SEMA4F: variants seen among roughly 807,000 people sequenced by gnomAD.
SEMA4F encodes the protein semaphorin-4F.
A neutral mutation model predicts 78.4 loss-of-function variants in SEMA4F; 51 were observed. The observed-to-expected ratio is 0.65, with a 90% CI of 0.52 to 0.82. SEMA4F has a LOEUF of 0.82. Among genes scored for constraint, SEMA4F ranks in the 40% least tolerant of loss-of-function variants. The probability of loss-of-function intolerance (pLI) is 0.00; values close to 1 mark genes in which losing one functional copy is unlikely to be tolerated. For missense variants in SEMA4F, 938 were observed against 1,014.4 expected, an observed-to-expected ratio of 0.92 and a Z score of 1.02; for synonymous variants, 418 against 408.7, an observed-to-expected ratio of 1.02 and a Z score of -0.27.
chr2:74,674,050 T>C (rs529559810), intron 7 of SEMA4F, among the ~76,000 whole-genome samples: 1 of 152,242 alleles, frequency 6.6e-6, no homozygotes, highest in Non-Finnish European at 1.5e-5. Context: ...TAGAGGTTAC[T>C]GACTAGTGTA....
the SEMA4F span, among the ~76,000 whole-genome samples, chr2:74,700,666 A>T: frequency 6.6e-6 from 1 of 152,220 alleles, no homozygotes; most frequent in East Asian, 1.9e-4. Context: ...AAAAAAACTG[A>T]GGCACAGAGA....
the SEMA4F span, among the ~76,000 whole-genome samples, chr2:74,704,216 G>A: frequency 6.6e-6 from 1 of 151,710 alleles, no homozygotes; most frequent in East Asian, 1.9e-4. Flanking sequence ...ATAGTGGACT[G>A]GGTATGGAGA....
At chr2:74,688,346 A>T (rs973278122), downstream of SEMA4F, among the ~76,000 whole-genome samples, 3 of 152,216 alleles carry the variant, frequency 2.0e-5, no homozygotes, top group African/African-American at 7.2e-5. Context: ...TCATATTTCA[A>T]TACGTAACTT....
chr2:74,687,941 A>T (rs1685854063), downstream of SEMA4F, among the ~76,000 whole-genome samples: 1 of 152,204 alleles, frequency 6.6e-6, no homozygotes. Context: ...TTGCAAGCAT[A>T]AATTCCCTAA....
intron 4 of SEMA4F, among the ~76,000 whole-genome samples, chr2:74,659,616 G>A (rs1473730429): frequency 6.6e-6 from 1 of 152,158 alleles, no homozygotes; most frequent in Non-Finnish European, 1.5e-5. Context: ...GGAGAATATA[G>A]AGACTAGCCG....
chr2:74,666,566 AC>A (rs1684710512), intron 5 of SEMA4F, among the ~76,000 whole-genome samples: 1 of 152,192 alleles, frequency 6.6e-6, no homozygotes. Context: ...CATAGTCAAT[AC>A]TAATATTATA....
Position 74,673,546 on chromosome 2 carries a change from C to A in SEMA4F, c.640C>A (p.Arg214=). The A allele has an allele frequency of 6.2e-7, 1 of 1,614,132 alleles. No individual in the cohort carries two copies. The highest frequency in any genetic ancestry group is 8.5e-7 in the Non-Finnish European group (1 of 1,180,030). ...AGTGGGTCGTGCCGAGGACTGGATT[C>A]GGACAGATACCTTGCCTTCCTGGCT... is the stretch of plus-strand genomic sequence containing the variant. ...RAVGRAEDWI[R]TDTLPSWLNA... is the part of the protein sequence containing the mutation. The change falls in exon 6 of 14, where the codon CGG becomes AGG. Residue 214 remains arginine, a synonymous_variant. Transcript: ENST00000357877.
chr2:74,669,923 C>T (rs1684897022), intron 5 of SEMA4F, among the ~76,000 whole-genome samples: 1 of 151,778 alleles, frequency 6.6e-6, no homozygotes, highest in Non-Finnish European at 1.5e-5. Context: ...AAGATGCTAA[C>T]TACAAAAAAC....
chr2:74,672,700 C>T (rs1242315102), intron 5 of SEMA4F, among the ~76,000 whole-genome samples: 1 of 152,030 alleles, frequency 6.6e-6, no homozygotes, highest in African/African-American at 2.4e-5. Context: ...TGTGATTTGT[C>T]TCTTACTCAG....
chr2:74,662,898 CTG>C, intron 5 of SEMA4F, 73 bp downstream of exon 5: 1 of 1,298,396 alleles, frequency 7.7e-7, no homozygotes, highest in Admixed American at 1.7e-5. Context: ...GTTAGAATTT[CTG>C]TGTTCTTTCT....
At chr2:74,685,279 C>A (rs1436659773), downstream of SEMA4F, among the ~76,000 whole-genome samples, 1 of 152,034 alleles carries the variant, frequency 6.6e-6, no homozygotes, top group Non-Finnish European at 1.5e-5. Context: ...TAGTGTCTCA[C>A]TTAGTAGGAA....
At chr2:74,668,880 C>A (rs1258919497) in intron 5 of SEMA4F, among the ~76,000 whole-genome samples, 1 of 148,692 alleles carries the variant, frequency 6.7e-6, no homozygotes, top group Non-Finnish European at 1.5e-5. Flanking sequence ...TCCACCCGCC[C>A]CAGCCTCCCA....
chr2:74,697,309 G>A, the SEMA4F span, among the ~76,000 whole-genome samples: 5 of 152,338 alleles, frequency 3.3e-5, no homozygotes, highest in East Asian at 1.9e-4. Flanking sequence ...AGAGCTCAAT[G>A]TATAGTCCAG....
intron 5 of SEMA4F, among the ~76,000 whole-genome samples, chr2:74,668,613 GTTT>G (rs758572242): frequency 7.1e-6 from 1 of 140,906 alleles, no homozygotes; most frequent in Non-Finnish European, 1.6e-5. Flanking sequence ...AATCAGTTGT[GTTT>G]TTTTTTTTTT....
chr2:74,654,436 C>T lies in SEMA4F; in HGVS notation c.60C>T (p.Phe20=), dbSNP rs1239874408. 2 of 1,570,208 alleles carry T rather than the reference C, an allele frequency of 1.3e-6. No individual in the cohort carries two copies. The highest frequency in any genetic ancestry group is 1.2e-5 in the South Asian group (1 of 86,140). Residue 20 remains phenylalanine (F), a synonymous_variant, in exon 1 of 14, where the codon TTC becomes TTT. Transcript: ENST00000357877. ...PGPGQPTASP[F]PLLLLAVLSG... ...CCGGGCAGCCTACAGCCTCGCCCTT[C>T]CCGCTACTGCTGCTGGCGGTGCTGA...
chr2:74,695,605 C>T, the SEMA4F span, among the ~76,000 whole-genome samples: 5,226 of 152,220 alleles, frequency 0.034, 269 homozygotes, highest in African/African-American at 0.11. Flanking sequence ...AGAAACAGGA[C>T]GCTGTATTAA....
the SEMA4F span, among the ~76,000 whole-genome samples, chr2:74,701,703 A>C: frequency 6.6e-6 from 1 of 152,186 alleles, no homozygotes; most frequent in African/African-American, 2.4e-5. Flanking sequence ...CTGTGCCTAG[A>C]GTATGAAAAG....
chr2:74,700,916 T>G, the SEMA4F span, among the ~76,000 whole-genome samples: 3 of 152,238 alleles, frequency 2.0e-5, no homozygotes, highest in Non-Finnish European at 4.4e-5. Context: ...GCTTAATTCT[T>G]CAGTTATTCA....
chr2:74,673,377 T>C, intron 5 of SEMA4F, 80 bp from the exon 6 acceptor site: 3 of 1,567,370 alleles, frequency 1.9e-6, no homozygotes, highest in South Asian at 2.3e-5. Flanking sequence ...TGCCCTGCTT[T>C]ATGCCCTACT....
Sources: gnomAD v4.1 joint callset for allele counts (sites outside exome capture counted in the v4.1 genomes callset) on GRCh38, gnomAD v4.1.1 for gene constraint, MANE v1.5 for transcripts, NCBI Gene and HGNC (gene_info 2026-07-23, HGNC 2026-07-21) for gene names.